Variants in PDE10A observed in about 807,000 individuals in gnomAD.
PDE10A encodes phosphodiesterase 10A, also known as cAMP and cAMP-inhibited cGMP 3',5'-cyclic phosphodiesterase 10A.
A neutral mutation model predicts 97.7 loss-of-function variants in PDE10A; 39 were observed. That is an observed-to-expected ratio of 0.40 (90% CI 0.31 to 0.52). PDE10A has a LOEUF of 0.52. Ranked by LOEUF, PDE10A falls within the 20% of genes least tolerant of loss-of-function variation. PDE10A has a pLI of 0.56. For missense variants in PDE10A, 731 were observed against 1,047.8 expected (o/e 0.70, Z 4.17); for synonymous variants, 371 against 376.8 (o/e 0.98, Z 0.18).
chr6:165,586,657 A>G (rs1392942299), intron 1 of PDE10A, among the ~76,000 whole-genome samples: 1 of 152,224 alleles, frequency 6.6e-6, no homozygotes, highest in African/African-American at 2.4e-5. Flanking sequence ...TCATACTACC[A>G]TATTGTAGTT....
At chr6:165,961,376 C>G (rs999189741) in intron 1 of PDE10A, among the ~76,000 whole-genome samples, 1 of 152,226 alleles carries the variant, frequency 6.6e-6, no homozygotes, top group Non-Finnish European at 1.5e-5. Context: ...TCCTGTCCTA[C>G]TTCAGAAGGA....
At chr6:165,778,223 A>C (rs924745600) in intron 1 of PDE10A, among the ~76,000 whole-genome samples, 2 of 152,018 alleles carry the variant, frequency 1.3e-5, no homozygotes, top group African/African-American at 4.8e-5. Context: ...GGTGCCCACC[A>C]TCACGCCCGG....
intron 1 of PDE10A, among the ~76,000 whole-genome samples, chr6:165,800,241 G>A (rs935093347): frequency 6.6e-6 from 1 of 152,158 alleles, no homozygotes; most frequent in African/African-American, 2.4e-5. Flanking sequence ...AGAGAGCTTA[G>A]GTGTTCTTTT....
At chr6:165,790,222 A>C (rs938504963) in intron 1 of PDE10A, among the ~76,000 whole-genome samples, 2 of 152,220 alleles carry the variant, frequency 1.3e-5, no homozygotes, top group East Asian at 3.8e-4. Context: ...CATCGTATTC[A>C]TCCAATGCTG....
chr6:165,511,299 T>C (rs1781493454), intron 2 of PDE10A, among the ~76,000 whole-genome samples: 2 of 151,946 alleles, frequency 1.3e-5, no homozygotes, highest in Non-Finnish European at 2.9e-5. Context: ...TATTTGGGAG[T>C]ATCTTGTTTA....
intron 19 of PDE10A, among the ~76,000 whole-genome samples, chr6:165,340,252 T>G (rs1394235443): frequency 6.6e-6 from 1 of 152,252 alleles, no homozygotes; most frequent in Admixed American, 6.5e-5. Context: ...TCTTAAGATT[T>G]CCTAGTATTT....
chr6:165,855,030 A>ATGC (rs1780687729), intron 1 of PDE10A, among the ~76,000 whole-genome samples: 11 of 143,484 alleles, frequency 7.7e-5, no homozygotes, highest in African/African-American at 2.4e-4. Context: ...TGAATGAATG[A>ATGC]ATGCATGAAT....
At chr6:165,527,435 G>A (rs945570190) in intron 2 of PDE10A, among the ~76,000 whole-genome samples, 1 of 152,116 alleles carries the variant, frequency 6.6e-6, no homozygotes, top group Non-Finnish European at 1.5e-5. Flanking sequence ...ATGCTGTTTG[G>A]AGCCTTTGGC....
intron 1 of PDE10A, among the ~76,000 whole-genome samples, chr6:165,835,985 C>T (rs1780054659): frequency 1.3e-5 from 2 of 152,214 alleles, no homozygotes; most frequent in South Asian, 4.1e-4. Flanking sequence ...AACTTGTCTT[C>T]TTCTGAAGCA....
At chr6:165,794,476 A>G (rs117117180) in intron 1 of PDE10A, among the ~76,000 whole-genome samples, 2,408 of 151,428 alleles carry the variant, frequency 0.016, 31 homozygotes, top group East Asian at 0.06. Flanking sequence ...ATGCACGCAC[A>G]CACTCATTAC....
Position 165,981,204 on chromosome 6 carries a change from T to C in PDE10A, c.-615+6325A>G, listed in dbSNP as rs1173373637. On this transcript the variant is annotated intron_variant, in intron 1 of 19. Transcript: ENST00000366882. ...AAAGGTGCTCTACATTATTGAACTG[T>C]GATGCTTTAGAGCTTCTGCCAGTAC... 3.3e-5 allele frequency among the ~76,000 whole-genome samples: 5 copies of C among 152,178 alleles called. No homozygotes were observed. The East Asian group carries it at 9.6e-4, about 29-fold the overall frequency.
At chr6:165,394,815 C>G (rs1431613523) in intron 15 of PDE10A, among the ~76,000 whole-genome samples, 2 of 152,118 alleles carry the variant, frequency 1.3e-5, no homozygotes, top group Non-Finnish European at 2.9e-5. Context: ...TCTCTAATGA[C>G]CAGTGATGAT....
At position 165,843,384 on chromosome 6, in the gene PDE10A, A is replaced by G. The variant is rs114673867; in HGVS notation, c.-615+144145T>C. Among the ~76,000 whole-genome samples the G allele has an allele frequency of 2.8e-3, 431 of 152,322 alleles. 3 individuals carry two copies. The highest frequency in any genetic ancestry group is 9.8e-3 in the African/African-American group (408 of 41,580). ...CAGGAGCCAAGTTCCCTTCAGGAAG[A>G]GGGAGTGGCTTAGTCCATCACCTCG... On this transcript the variant is annotated intron_variant, in intron 1 of 19. Transcript: ENST00000366882.
chr6:165,786,000 C>T (rs1778481703), intron 1 of PDE10A, among the ~76,000 whole-genome samples: 1 of 152,192 alleles, frequency 6.6e-6, no homozygotes, highest in South Asian at 2.1e-4. Context: ...AATTAGTGGT[C>T]ACCATATTCC....
chr6:165,575,369 C>G (rs1562594662), intron 1 of PDE10A, among the ~76,000 whole-genome samples: 1 of 152,194 alleles, frequency 6.6e-6, no homozygotes, highest in Non-Finnish European at 1.5e-5. Flanking sequence ...GCATGATCAC[C>G]CTGACACGTG....
chr6:165,406,574 C>T (rs989960761), intron 13 of PDE10A, among the ~76,000 whole-genome samples: 4 of 152,012 alleles, frequency 2.6e-5, no homozygotes, highest in African/African-American at 9.6e-5. Flanking sequence ...CTAAACTTTC[C>T]CCCTTCATTT....
At chr6:165,872,242 G>A (rs570008221) in intron 1 of PDE10A, among the ~76,000 whole-genome samples, 32 of 152,246 alleles carry the variant, frequency 2.1e-4, no homozygotes, top group East Asian at 1.5e-3. Context: ...CATCCCACGC[G>A]TTTAATAAAT....
intron 1 of PDE10A, among the ~76,000 whole-genome samples, chr6:165,681,813 G>A (rs1048602954): frequency 3.3e-5 from 5 of 152,140 alleles, no homozygotes; most frequent in Admixed American, 6.5e-5. Flanking sequence ...TCTAATAAGT[G>A]AGCTGGCTAC....
intron 1 of PDE10A, among the ~76,000 whole-genome samples, chr6:165,958,713 A>AAG (rs1554230986): frequency 3.1e-5 from 2 of 64,654 alleles, no homozygotes; most frequent in Non-Finnish European, 3.2e-5. Flanking sequence ...AGAAAGAAAG[A>AAG]GAGAAGAAAG....
Sources: gnomAD v4.1 joint callset for allele counts (sites outside exome capture counted in the v4.1 genomes callset) on GRCh38, gnomAD v4.1.1 for gene constraint, MANE v1.5 for transcripts, NCBI Gene and HGNC (gene_info 2026-07-23, HGNC 2026-07-21) for gene names.